FGF13: variants seen among roughly 807,000 people sequenced by gnomAD.
The protein encoded by FGF13 is fibroblast growth factor homologous factor 2.
A neutral mutation model predicts 19.5 loss-of-function variants in FGF13; 2 were observed. The ratio of observed to expected loss-of-function variants is 0.10; its 90% CI spans 0.04 to 0.32. FGF13 has a LOEUF of 0.32. Among genes scored for constraint, FGF13 ranks in the 10% least tolerant of loss-of-function variants. The pLI, the probability that FGF13 is intolerant of heterozygous loss-of-function variation, is 1.00. For missense variants in FGF13, 113 were observed against 192.7 expected, an observed-to-expected ratio of 0.59 and a Z score of 2.45; for synonymous variants, 72 against 76.9, an observed-to-expected ratio of 0.94 and a Z score of 0.33.
At chrX:139,200,341 C>T (rs1240710596) in intron 1 of FGF13, among the ~76,000 whole-genome samples, 2 of 112,306 alleles carry the variant, frequency 1.8e-5, no homozygotes, top group African/African-American at 6.5e-5. Flanking sequence ...ATTCAGGACT[C>T]AAGCCTAGAT....
In FGF13 at chrX:138,892,032, G is replaced by GTGTGTGTGTGTGTGTGTA. The variant is rs1569419135; in HGVS notation, c.-112-27383_-112-27382insTACACACACACACACACA. Reference sequence around the variant, plus strand: ...TGTGTGTGTGTGTGTGTGTGTGTGTGTATTATCTCCTACTAGTTCTGTCCC... The same window carrying GTGTGTGTGTGTGTGTGTA: ...TGTGTGTGTGTGTGTGTGTGTGTGTGTGTGTGTGTGTGTGTGTATATTATCTCCTACTAGTTCTGTCCC... On this transcript the variant is annotated intron_variant, in intron 1 of 2. Coordinates refer to the FGF13 transcript ENST00000421460. 4.3e-3 allele frequency among the ~76,000 whole-genome samples: 471 copies of GTGTGTGTGTGTGTGTGTA among 108,312 alleles called. 7 individuals are homozygous for GTGTGTGTGTGTGTGTGTA. The highest frequency in any genetic ancestry group is 0.015 in the African/African-American group (441 of 29,186). The allele number at this position is 108,312 out of a possible 115,157, so 94.1% of individuals were successfully genotyped here. A position where few individuals can be genotyped will look rare whatever the true frequency, so the allele number is the denominator to read the frequency against.
intron 1 of FGF13, among the ~76,000 whole-genome samples, chrX:138,996,724 C>A (rs1317446956): frequency 1.8e-5 from 2 of 112,263 alleles, no homozygotes; most frequent in East Asian, 2.8e-4. Context: ...GACAGAGCAC[C>A]TGGGGGAAGG....
chrX:138,767,820 A>G (rs2090513173), intron 3 of FGF13, among the ~76,000 whole-genome samples: 1 of 112,322 alleles, frequency 8.9e-6, no homozygotes, highest in Admixed American at 9.5e-5. Context: ...ATCTGTGAAA[A>G]GGGAATAACA....
chrX:138,724,496 T>C (rs892116004), intron 1 of FGF13, among the ~76,000 whole-genome samples: 3 of 111,868 alleles, frequency 2.7e-5, no homozygotes, highest in Admixed American at 9.5e-5. Flanking sequence ...CTCAGTACTA[T>C]GTTAAAAAGG....
intron 1 of FGF13, among the ~76,000 whole-genome samples, chrX:139,036,232 C>T (rs761801029): frequency 1.2e-3 from 135 of 111,575 alleles, no homozygotes; most frequent in Non-Finnish European, 2.0e-3. Context: ...AAAAATCAAA[C>T]AAGAGCCCAG....
chrX:138,985,025 G>A, intron 1 of FGF13: 1 of 367,946 alleles, frequency 2.7e-6, no homozygotes, highest in East Asian at 7.8e-5. Context: ...TACTTAGGTA[G>A]TAGCTTCCTC....
intron 1 of FGF13, among the ~76,000 whole-genome samples, chrX:139,018,572 G>A (rs760686101): frequency 9.0e-6 from 1 of 111,388 alleles, no homozygotes; most frequent in East Asian, 2.9e-4. Context: ...TTTCCAAGCT[G>A]TGTTTCTAAA....
rs182010191 is a variant in FGF13, at chrX:138,623,070, T to G, written c.*9780A>C. On this transcript the variant is annotated 3_prime_UTR_variant, in exon 5 of 5. Transcript: ENST00000315930. ...GTTCTTTATTTTTTGGATAGTTCAT[T>G]GTTCGTGTGAAGAAACAACTGATTT... is the stretch of plus-strand genomic sequence containing the variant. 1.8e-5 allele frequency: 2 copies of G among 111,870 alleles called. No individual in the cohort carries two copies. The highest frequency in any genetic ancestry group is 5.7e-4 in the East Asian group (2 of 3,497). 9.2% of individuals were successfully genotyped at this position (111,870 alleles called of 1,213,427 possible). A position where few individuals can be genotyped will look rare whatever the true frequency, so the allele number is the denominator to read the frequency against.
At chrX:139,175,933 A>T (rs893731244) in intron 1 of FGF13, among the ~76,000 whole-genome samples, 3 of 111,877 alleles carry the variant, frequency 2.7e-5, no homozygotes, top group Non-Finnish European at 5.6e-5. Context: ...GTTAGGGAGG[A>T]GTCCCTCTTT....
chrX:139,030,428 T>A (rs1395653453), intron 1 of FGF13, among the ~76,000 whole-genome samples: 2 of 111,580 alleles, frequency 1.8e-5, no homozygotes, highest in African/African-American at 6.5e-5. Flanking sequence ...CTGCAAACGA[T>A]GTGTAATTTA....
intron 1 of FGF13, among the ~76,000 whole-genome samples, chrX:138,975,166 T>A (rs1386839553): frequency 1.8e-5 from 2 of 113,136 alleles, no homozygotes; most frequent in African/African-American, 6.4e-5. Context: ...ATACTCCCCA[T>A]GTGCATGGCA....
intron 3 of FGF13, among the ~76,000 whole-genome samples, chrX:138,682,479 C>T (rs1450880261): frequency 3.6e-5 from 4 of 112,019 alleles, no homozygotes; most frequent in Admixed American, 9.4e-5. Flanking sequence ...CGTGCGTGTG[C>T]GCACCTTTGT....
chrX:139,081,729 T>C (rs1453299004), intron 1 of FGF13, among the ~76,000 whole-genome samples: 2 of 110,793 alleles, frequency 1.8e-5, no homozygotes, highest in Non-Finnish European at 3.8e-5. Context: ...AATTCCTCTC[T>C]CTCTCTCTCT....
chrX:138,835,125 AT>A (rs1455499178), intron 3 of FGF13, among the ~76,000 whole-genome samples: 1 of 111,634 alleles, frequency 9.0e-6, no homozygotes. Context: ...GAGAACGTAT[AT>A]TCTATTGTTT....
chrX:138,973,772 G>A (rs1276401267), intron 1 of FGF13, among the ~76,000 whole-genome samples: 1 of 111,594 alleles, frequency 9.0e-6, no homozygotes, highest in Non-Finnish European at 1.9e-5. Context: ...CACAGTTTTT[G>A]ACTTAAAGTT....
intron 1 of FGF13, among the ~76,000 whole-genome samples, chrX:138,907,475 T>A: frequency 9.0e-6 from 1 of 111,085 alleles, no homozygotes; most frequent in Admixed American, 9.5e-5. Flanking sequence ...TGAAGCTGAG[T>A]CAAAATGCCT....
chrX:139,202,963 C>A (rs1441304458), intron 1 of FGF13, among the ~76,000 whole-genome samples: 1 of 112,010 alleles, frequency 8.9e-6, no homozygotes, highest in Non-Finnish European at 1.9e-5. Context: ...GACACTTGCA[C>A]CTAAGGCACC....
chrX:138,780,672 T>C, intron 3 of FGF13, among the ~76,000 whole-genome samples: 1 of 104,170 alleles, frequency 9.6e-6, no homozygotes, highest in East Asian at 3.0e-4. Flanking sequence ...AAGCAAGTCC[T>C]GAGTGACCTA....
At position 138,615,308 on chromosome X, in the gene FGF13, G is replaced by C. The variant is rs1042732810; in HGVS notation, c.*17542C>G. On this transcript the variant is annotated 3_prime_UTR_variant, in exon 5 of 5. Coordinates refer to ENST00000315930, the MANE Select transcript of FGF13 (RefSeq NM_004114.5). Reference sequence around the variant, plus strand: ...GCAGTTATGTAAGTTGATACCACTAGAGGAACTAGATAAAGGGCATATAGC... The same window carrying C: ...GCAGTTATGTAAGTTGATACCACTACAGGAACTAGATAAAGGGCATATAGC... 6.2e-5 allele frequency: 7 copies of C among 112,154 alleles called. No homozygotes were observed. The highest frequency in any genetic ancestry group is 1.3e-4 in the Non-Finnish European group (7 of 53,185). The allele number at this position is 112,154 out of a possible 1,213,427, so 9.2% of individuals were successfully genotyped here.
Sources: gnomAD v4.1 joint callset for allele counts (sites outside exome capture counted in the v4.1 genomes callset) on GRCh38, gnomAD v4.1.1 for gene constraint, MANE v1.5 for transcripts, NCBI Gene and HGNC (gene_info 2026-07-23, HGNC 2026-07-21) for gene names.